The following ESRRB variants were observed in gnomAD, a reference collection of about 807,000 sequenced individuals.
ESRRB encodes steroid hormone receptor ERR2.
Under a neutral mutation model 46.0 loss-of-function variants are expected in ESRRB, and 16 were observed. The observed-to-expected ratio is 0.35, with a 90% CI of 0.24 to 0.53. The LOEUF (loss-of-function observed/expected upper bound fraction) is 0.53. ESRRB is among the 20% of genes least tolerant of loss of function. ESRRB has a pLI of 0.93. For missense variants in ESRRB, 488 were observed against 607.4 expected, an observed-to-expected ratio of 0.80 and a Z score of 2.07; for synonymous variants, 246 against 259.6, an observed-to-expected ratio of 0.95 and a Z score of 0.50.
chr14:76,492,286 C>T (rs1404417903), intron 6 of ESRRB, among the ~76,000 whole-genome samples: 1 of 152,222 alleles, frequency 6.6e-6, no homozygotes, highest in Non-Finnish European at 1.5e-5. Flanking sequence ...ACCTCAGCCT[C>T]CTGAGTAGCT....
rs79173439 is a variant in ESRRB, at chr14:76,414,772, C to T, written c.51-24569C>T. On this transcript the variant is annotated intron_variant, in intron 1 of 6. Coordinates refer to ENST00000644823, the MANE Select transcript of ESRRB (RefSeq NM_001379180.1). ...GATACTCTGTAACCCTCTCCTCCTCCGGTGCCTTTTCCCAGAGAGGCACCA... is the reference window on the plus strand; with the variant it reads ...GATACTCTGTAACCCTCTCCTCCTCTGGTGCCTTTTCCCAGAGAGGCACCA... Among the ~76,000 whole-genome samples, 98 of 151,946 alleles carry T rather than the reference C, an allele frequency of 6.4e-4. 1 individual carries two copies. The East Asian group carries it at 0.019, about 29-fold the overall frequency.
chr14:76,411,741 C>T (rs72731643), intron 1 of ESRRB, among the ~76,000 whole-genome samples: 12,856 of 152,166 alleles, frequency 0.084, 764 homozygotes, highest in East Asian at 0.28. Flanking sequence ...TGGCATGGTA[C>T]CTGGTACATG....
chr14:76,358,340 A>G (rs1884416142), intron 1 of ESRRB, among the ~76,000 whole-genome samples: 1 of 25,544 alleles, frequency 3.9e-5, no homozygotes, highest in Non-Finnish European at 7.4e-5. Context: ...AGAAAGAAAG[A>G]AAGAAAGAAA....
rs1274048977 is a variant in ESRRB at position 76,357,305 on chromosome 14, A to G, written c.2+46389A>G. 2.0e-5 allele frequency among the ~76,000 whole-genome samples: 3 copies of G among 152,238 alleles called. No individual in the cohort carries two copies. The South Asian group carries it at 6.2e-4, about 32-fold the overall frequency. On this transcript the variant is annotated intron_variant, in intron 1 of 6. Coordinates refer to the ESRRB transcript ENST00000512784. ...ACAGTGCAAATAATAAAGAGCCCTA[A>G]TAAAACATTCAGAGCCTTTGACTTA...
chr14:76,485,996 G>A (rs1451940618), intron 5 of ESRRB, among the ~76,000 whole-genome samples: 1 of 152,184 alleles, frequency 6.6e-6, no homozygotes, highest in Non-Finnish European at 1.5e-5. Flanking sequence ...GACATCCAGG[G>A]GGAGCTTGGT....
intron 1 of ESRRB, among the ~76,000 whole-genome samples, chr14:76,341,791 A>C (rs1451299616): frequency 1.3e-5 from 2 of 152,228 alleles, no homozygotes. Flanking sequence ...CCTGGAGGGA[A>C]GTGAGTAAGG....
intron 1 of ESRRB, among the ~76,000 whole-genome samples, chr14:76,402,267 G>A (rs1885977365): frequency 6.6e-6 from 1 of 152,214 alleles, no homozygotes; most frequent in Non-Finnish European, 1.5e-5. Flanking sequence ...CGGTCAAGTT[G>A]ACACTCAAAA....
At chr14:76,417,385 G>A (rs1374497550) in intron 1 of ESRRB, among the ~76,000 whole-genome samples, 1 of 152,130 alleles carries the variant, frequency 6.6e-6, no homozygotes, top group African/African-American at 2.4e-5. Context: ...AAGTTGGAAA[G>A]GTGGCTGGGG....
intron 1 of ESRRB, among the ~76,000 whole-genome samples, chr14:76,393,586 C>A (rs76733974): frequency 0.036 from 5,553 of 152,278 alleles, 191 homozygotes; most frequent in East Asian, 0.13. Flanking sequence ...AACACAGAGG[C>A]CCCTGGCAGT....
At chr14:76,326,040 C>A (rs987440733) in intron 1 of ESRRB, among the ~76,000 whole-genome samples, 1 of 152,202 alleles carries the variant, frequency 6.6e-6, no homozygotes, top group African/African-American at 2.4e-5. Flanking sequence ...AAGAGTAAAG[C>A]ACCCTCACTC....
intron 1 of ESRRB, among the ~76,000 whole-genome samples, chr14:76,421,309 A>G (rs1224089224): frequency 1.3e-5 from 2 of 152,178 alleles, no homozygotes; most frequent in African/African-American, 4.8e-5. Flanking sequence ...TTGCCTTTCC[A>G]TGTGCATGGA....
chr14:76,402,037 G>C (rs564400495), intron 1 of ESRRB, among the ~76,000 whole-genome samples: 13 of 152,322 alleles, frequency 8.5e-5, no homozygotes, highest in African/African-American at 3.1e-4. Context: ...GCGGGAGAAG[G>C]CTGATGTCCC....
Position 76,499,094 on chromosome 14 carries a change from C to A in ESRRB, c.*636C>A, listed in dbSNP as rs1890556759. The stretch of plus-strand genomic sequence containing the variant: ...TGGGCACCCCACCCCTCGGGGCCTA[C>A]CCCCCTGCCTGTCACCCACCGCGCC... On this transcript the variant is annotated 3_prime_UTR_variant, in exon 7 of 7. Transcript: ENST00000644823. The A allele has an allele frequency of 3.0e-6, 1 of 329,682 alleles. No homozygotes were observed. Among genetic ancestry groups the A allele is most frequent in the Non-Finnish European group, 6.0e-6 (1 of 167,668 alleles). The allele number at this position is 329,682 out of a possible 1,614,324, so 20.4% of individuals were successfully genotyped here. A position where few individuals can be genotyped will look rare whatever the true frequency, so the allele number is the denominator to read the frequency against.
chr14:76,500,808 G>C lies in ESRRB; in HGVS notation c.*2350G>C. ...TGTTGCTGCGAGTGACCTCACTTCA[G>C]AGCCCCTCTAGCAGAGTGGGGCGGA... On this transcript the variant is annotated 3_prime_UTR_variant, in exon 7 of 7. Coordinates refer to ENST00000644823, the MANE Select transcript of ESRRB (RefSeq NM_001379180.1). The C allele has an allele frequency of 1.4e-6, 2 of 1,461,788 alleles. No individual in the cohort carries two copies. The highest frequency in any genetic ancestry group is 1.9e-6 in the Non-Finnish European group (2 of 1,041,274). 90.6% of individuals were successfully genotyped at this position (1,461,788 alleles called of 1,614,324 possible). A position where few individuals can be genotyped will look rare whatever the true frequency, so the allele number is the denominator to read the frequency against.
upstream of ESRRB, among the ~76,000 whole-genome samples, chr14:76,370,529 A>G (rs184529583): frequency 2.1e-3 from 315 of 152,306 alleles, no homozygotes; most frequent in Non-Finnish European, 3.6e-3. Context: ...GAAAATATTT[A>G]ATGAGACAGG....
intron 2 of ESRRB, among the ~76,000 whole-genome samples, chr14:76,449,476 G>T (rs139266662): frequency 5.8e-4 from 89 of 152,146 alleles, no homozygotes; most frequent in Non-Finnish European, 1.2e-3. Context: ...GTTTGAACCC[G>T]GGAGGCGGAA....
At chr14:76,435,969 G>A (rs764001416) in intron 1 of ESRRB, among the ~76,000 whole-genome samples, 44 of 152,166 alleles carry the variant, frequency 2.9e-4, no homozygotes, top group Admixed American at 7.2e-4. Flanking sequence ...TTAATAACGG[G>A]CTTCCCGCAC....
Position 76,439,810 on chromosome 14 carries a change from G to C in ESRRB, c.460+60G>C, listed in dbSNP as rs577847646. Reference sequence around the variant, plus strand: ...GTTGGGGGTGGCAGCCGTGCCTGCGGGTCTGGCAGAAGCCCTAGGAATTCC... The same window carrying C: ...GTTGGGGGTGGCAGCCGTGCCTGCGCGTCTGGCAGAAGCCCTAGGAATTCC... On this transcript the variant is annotated intron_variant, in intron 2 of 6. Coordinates refer to ENST00000644823, the MANE Select transcript of ESRRB (RefSeq NM_001379180.1). 5.1e-5 allele frequency: 81 copies of C among 1,578,302 alleles called. No homozygotes were observed. In the Middle Eastern group the frequency reaches 5.2e-4, roughly 10 times the overall value.
intron 1 of ESRRB, among the ~76,000 whole-genome samples, chr14:76,391,921 G>A (rs1425601220): frequency 6.6e-6 from 1 of 152,184 alleles, no homozygotes; most frequent in Non-Finnish European, 1.5e-5. Context: ...AGAGGGGCCT[G>A]AGGAACCACC....
Sources: allele counts gnomAD v4.1 joint callset (sites outside exome capture counted in the v4.1 genomes callset), GRCh38; gene constraint gnomAD v4.1.1; transcripts MANE v1.5; gene names NCBI Gene and HGNC (gene_info 2026-07-23, HGNC 2026-07-21).